The following FTSJ3 variants were observed in gnomAD, a reference collection of about 807,000 sequenced individuals.
FTSJ3 encodes the protein FtsJ RNA 2'-O-methyltransferase 3.
Under a neutral mutation model 111.5 loss-of-function variants are expected in FTSJ3, and 46 were observed. The ratio of observed to expected loss-of-function variants is 0.41; its 90% CI spans 0.33 to 0.53. FTSJ3 has a LOEUF of 0.53. FTSJ3 is among the 20% of genes least tolerant of loss of function. The pLI, the probability that FTSJ3 is intolerant of heterozygous loss-of-function variation, is 0.19. For missense variants in FTSJ3, 1,075 were observed against 1,063.8 expected, an observed-to-expected ratio of 1.01 and a Z score of -0.15; for synonymous variants, 408 against 383.0, an observed-to-expected ratio of 1.07 and a Z score of -0.76.
chr17:63,821,685 C>G, intron 15 of FTSJ3, 38 bp downstream of exon 15: 1 of 1,614,056 alleles, frequency 6.2e-7, no homozygotes, highest in Non-Finnish European at 8.5e-7. Flanking sequence ...CCAAGGAAGA[C>G]TCATCTCCCC....
At chr17:63,820,523 G>T in intron 18 of FTSJ3, 85 bp from the exon 19 acceptor site, 1 of 1,374,766 alleles carries the variant, frequency 7.3e-7, no homozygotes, top group Admixed American at 1.8e-5. Context: ...GCTCACGCCT[G>T]TAATCCCTGC....
rs1241044190 is a variant in FTSJ3 at position 63,824,141 on chromosome 17, T to C, written c.1097A>G (p.Glu366Gly). ...SKEEEEEEEE[E>G]QLNQTLAEMK... ...TTCTGCCAAGGTCTGGTTCAGTTGT[T>C]CCTCCTCCTCCTCTTCCTCCTCCTC... is the stretch of plus-strand genomic sequence containing the variant. The change falls in exon 12 of 21, where the codon GAA (glutamate) becomes GGA (glycine). Residue 366 changes from glutamate (E) to glycine (G), a missense_variant. Around this residue, in one of 2 missense-constraint regions of FTSJ3, gnomAD observed 867 missense variants for 796.9 expected, o/e 1.09. Coordinates refer to ENST00000427159, the MANE Select transcript of FTSJ3 (RefSeq NM_017647.4). 1.2e-6 allele frequency: 2 copies of C among 1,613,538 alleles called. No individual in the cohort carries two copies. The highest frequency in any genetic ancestry group is 8.5e-7 in the Non-Finnish European group (1 of 1,179,708).
rs770239840 is a variant in FTSJ3, at chr17:63,824,048, T to C, written c.1154+36A>G. The C allele has an allele frequency of 2.0e-5, 33 of 1,613,986 alleles. No individual in the cohort carries two copies. The East Asian group carries it at 2.9e-4, about 14-fold the overall frequency. ...CTCCCATCTTCACACAGTCCCTGCG[T>C]TGGGGAACTCCAAGCTCTACCCCAG... On this transcript the variant is annotated intron_variant, in intron 12 of 20. Coordinates refer to ENST00000427159, the MANE Select transcript of FTSJ3 (RefSeq NM_017647.4).
In FTSJ3 at chr17:63,825,031, C is replaced by T. The variant is rs925269934; in HGVS notation, c.711+17G>A. ...GAGTTCCAGGACCCAAGAGTGACCC[C>T]ATTCCCCAAAACACACCTTTGGCTT... is the stretch of plus-strand genomic sequence containing the variant. On this transcript the variant is annotated intron_variant, in intron 8 of 20. Coordinates refer to ENST00000427159, the MANE Select transcript of FTSJ3 (RefSeq NM_017647.4). 4 of 1,609,722 alleles carry T rather than the reference C, an allele frequency of 2.5e-6. No homozygotes were observed. Among genetic ancestry groups the T allele is most frequent in the Non-Finnish European group, 2.6e-6 (3 of 1,175,972 alleles).
intron 5 of FTSJ3, 98 bp from the exon 6 acceptor site, chr17:63,825,733 C>CACT: frequency 1.0e-6 from 1 of 1,001,134 alleles, no homozygotes; most frequent in Non-Finnish European, 1.5e-6. Context: ...CCATCATGGG[C>CACT]CAAATGCAGT....
At chr17:63,822,286 T>C in intron 13 of FTSJ3, 118 bp from the exon 14 acceptor site, 1 of 821,400 alleles carries the variant, frequency 1.2e-6, no homozygotes, top group Non-Finnish European at 1.9e-6. Context: ...GCAAATCCAT[T>C]ATCCTTTCAC....
chr17:63,825,698 G>A (rs995404027), intron 5 of FTSJ3, 63 bp from the exon 6 acceptor site: 26 of 1,434,080 alleles, frequency 1.8e-5, no homozygotes, highest in Non-Finnish European at 2.0e-5. Context: ...TCAGCCATTT[G>A]TCCATCTAGT....
rs769990170 is a variant in FTSJ3 at position 63,821,592 on chromosome 17, G to GACTGATCTCCAGGGCCTC, written c.1630_1647dup (p.Glu544_Ser549dup). The GACTGATCTCCAGGGCCTC allele has an allele frequency of 1.2e-5, 19 of 1,613,882 alleles. No homozygotes were observed. Among genetic ancestry groups the GACTGATCTCCAGGGCCTC allele is most frequent in the Non-Finnish European group, 1.5e-5 (18 of 1,179,958 alleles). On this transcript the variant is annotated inframe_insertion, in exon 16 of 21. Coordinates refer to ENST00000427159, the MANE Select transcript of FTSJ3 (RefSeq NM_017647.4). The stretch of plus-strand genomic sequence containing the variant: ...CGGTTCTCAAATAACAGCTGGGCCT[G>GACTGATCTCCAGGGCCTC]ACTGATCTCCAGGGCCTCATCGGCA...
chr17:63,825,184 T>C, intron 7 of FTSJ3, 21 bp from the exon 8 acceptor site: 2 of 1,613,794 alleles, frequency 1.2e-6, no homozygotes, highest in South Asian at 2.2e-5. Context: ...CAGGATATAT[T>C]AAAAAGTGTG....
intron 13 of FTSJ3, among the ~76,000 whole-genome samples, chr17:63,822,508 A>C (rs947588430): frequency 2.0e-5 from 3 of 152,086 alleles, no homozygotes; most frequent in Admixed American, 1.3e-4. Context: ...CAGCATCTCA[A>C]TCATCTCCTG....
chr17:63,819,900 C>G lies in FTSJ3; in HGVS notation c.2446G>C (p.Gly816Arg), dbSNP rs779641176. 6 of 1,614,086 alleles carry G rather than the reference C, an allele frequency of 3.7e-6. No homozygotes were observed. In the South Asian group the frequency reaches 6.6e-5, roughly 18 times the overall value. ...ACCACCTTGAAATGACCTCTGACTC[C>G]AGCTGGCCGGCGCACTTTGCGGCCC... ...GVGRKVRRPAGVRGHFKVVDS... is the reference protein window; with the variant it reads ...GVGRKVRRPARVRGHFKVVDS... The change falls in exon 21 of 21, where the codon GGA becomes CGA. Residue 816 changes from glycine to arginine, a missense_variant. Around this residue, in one of 2 missense-constraint regions of FTSJ3, gnomAD observed 867 missense variants for 796.9 expected, o/e 1.09. Coordinates refer to ENST00000427159, the MANE Select transcript of FTSJ3 (RefSeq NM_017647.4).
In FTSJ3 at chr17:63,820,100, T is replaced by A. The variant is rs898084442; in HGVS notation, c.2330A>T (p.Glu777Val). Residue 777 changes from glutamate (E) to valine (V), a missense_variant, in exon 20 of 21, where the codon GAG (glutamate) becomes GTG (valine). Physicochemically the swap from Glu to Val is moderately radical, Grantham distance 121 (BLOSUM62 -2). Coordinates refer to ENST00000427159, the MANE Select transcript of FTSJ3 (RefSeq NM_017647.4). ...TTACCTTCGCAGCTGTGCCACTTTC[T>A]CTCGTTCTGAGATGTCCACTGTGTT... ...VVNTVDISER[E>V]KVAQLRSLYK... 6.2e-7 allele frequency: 1 copy of A among 1,614,094 alleles called. No homozygotes were observed. Among genetic ancestry groups the A allele is most frequent in the Non-Finnish European group, 8.5e-7 (1 of 1,180,006 alleles).
At chr17:63,820,498 A>T in intron 18 of FTSJ3, 60 bp from the exon 19 acceptor site, 2 of 1,559,342 alleles carry the variant, frequency 1.3e-6, no homozygotes, top group Non-Finnish European at 1.8e-6. Flanking sequence ...AGAAATTACC[A>T]GACTGGGCAC....
chr17:63,826,592 C>T lies in FTSJ3; in HGVS notation c.148G>A (p.Asp50Asn). Residue 50 changes from aspartate (D) to asparagine (N), a missense_variant, in exon 3 of 21, where the codon GAC becomes AAC. Around this residue, in one of 2 missense-constraint regions of FTSJ3, gnomAD observed 208 missense variants for 266.9 expected, o/e 0.78. Transcript: ENST00000427159. ...CATCCCCCTGGCGCAGCACACAGGTCCAGCAAGGCTCGGGCTTTCTGCAGG... is the reference window on the plus strand; with the variant it reads ...CATCCCCCTGGCGCAGCACACAGGTTCAGCAAGGCTCGGGCTTTCTGCAGG... ...QFLQKARALLDLCAAPGGWLQ... is the reference protein window; with the variant it reads ...QFLQKARALLNLCAAPGGWLQ... The T allele has an allele frequency of 1.2e-6, 2 of 1,613,950 alleles. No homozygotes were observed. The highest frequency in any genetic ancestry group is 1.7e-6 in the Non-Finnish European group (2 of 1,179,894).
In FTSJ3 at chr17:63,826,692, G is replaced by T; in HGVS notation, c.68-20C>A. 1 of 1,597,418 alleles carries T rather than the reference G, an allele frequency of 6.3e-7. No individual in the cohort carries two copies. The highest frequency in any genetic ancestry group is 8.6e-7 in the Non-Finnish European group (1 of 1,165,124). ...GGTAACCTGGACAAAACAACCAAGT[G>T]CGCAAACTGCTTCACTAGTAGGATT... On this transcript the variant is annotated intron_variant, in intron 2 of 20. Coordinates refer to ENST00000427159, the MANE Select transcript of FTSJ3 (RefSeq NM_017647.4).
At chr17:63,821,215 C>A in intron 16 of FTSJ3, 100 bp from the exon 17 acceptor site, 1 of 1,520,128 alleles carries the variant, frequency 6.6e-7, no homozygotes, top group Non-Finnish European at 9.1e-7. Flanking sequence ...GGCTGTACCC[C>A]AGACCAGTTA....
At position 63,820,302 on chromosome 17, in the gene FTSJ3, G is replaced by A. The variant is rs746863615; in HGVS notation, c.2209C>T (p.Arg737Cys). The A allele has an allele frequency of 9.3e-6, 15 of 1,610,536 alleles. No individual in the cohort carries two copies. The highest frequency in any genetic ancestry group is 1.2e-5 in the Non-Finnish European group (14 of 1,179,570). ...YRKRWREINA[R>C]PIKKVAEAKA... ...GCCTCAGCCACCTTCTTGATGGGAC[G>A]TGCATTGATTTCCCGCCAGCGTTTC... is the stretch of plus-strand genomic sequence containing the variant. Residue 737 changes from arginine (R) to cysteine (C), a missense_variant, in exon 19 of 21, where the codon CGT becomes TGT. Arg to Cys is a radical substitution (Grantham distance 180). Transcript: ENST00000427159.
intron 5 of FTSJ3, 143 bp from the exon 6 acceptor site, chr17:63,825,778 A>T: frequency 1.4e-6 from 1 of 691,048 alleles, no homozygotes; most frequent in Non-Finnish European, 2.5e-6. Context: ...AAACAAAAAC[A>T]GTATGTCTCT....
chr17:63,822,164 A>G lies in FTSJ3; in HGVS notation c.1295T>C (p.Leu432Ser), dbSNP rs2040058162. 2.5e-6 allele frequency: 4 copies of G among 1,613,002 alleles called. No individual in the cohort carries two copies. The highest frequency in any genetic ancestry group is 1.7e-5 in the Admixed American group (1 of 59,850). ...SLSTIRGHQL[L>S]EEVTQGDMSA... is the part of the protein sequence containing the mutation. ...CATATCCCCTTGTGTTACTTCCTCT[A>G]ATAACTGAAGTGTAACAGAAACAAA... Residue 432 changes from leucine to serine, a missense_variant, in exon 14 of 21, where the codon TTA becomes TCA. This residue lies in a region of FTSJ3 where 867 missense variants were observed against 796.9 expected (regional missense o/e 1.09). Transcript: ENST00000427159.
Sources: gnomAD v4.1 joint callset for allele counts (sites outside exome capture counted in the v4.1 genomes callset) on GRCh38, gnomAD v4.1.1 for gene constraint, gnomAD v4.1.1 regional missense constraint, MANE v1.5 for transcripts, NCBI Gene and HGNC (gene_info 2026-07-23, HGNC 2026-07-21) for gene names.